Variants in DUSP1 observed in about 807,000 individuals in gnomAD.
The protein encoded by DUSP1 is dual specificity phosphatase 1.
In DUSP1, 10 loss-of-function variants were observed where a neutral mutation model predicts 27.4. The ratio of observed to expected loss-of-function variants is 0.37; its 90% CI spans 0.23 to 0.62. The LOEUF is 0.62. Ranked by LOEUF, DUSP1 falls within the 20% of genes least tolerant of loss-of-function variation. The probability of loss-of-function intolerance (pLI) is 0.68; values close to 1 mark genes in which losing one functional copy is unlikely to be tolerated. For synonymous variants in DUSP1, 262 were observed against 223.6 expected (o/e 1.17, Z -1.53); for missense variants, 425 against 508.1 (o/e 0.84, Z 1.57).
At position 172,768,899 on chromosome 5, in the gene DUSP1, T is replaced by G; in HGVS notation, c.967A>C (p.Ser323Arg). 2.5e-6 allele frequency: 4 copies of G among 1,612,162 alleles called. No homozygotes were observed. Among genetic ancestry groups the G allele is most frequent in the Non-Finnish European group, 3.4e-6 (4 of 1,179,272 alleles). ...CGGTCGAGCACAGCCATGGCGGGGC[T>G]CCCAGCCTCTGCCGAACAGTGCGGA... Reference protein sequence around the residue: ...LAPHCSAEAGSPAMAVLDRGT... With the variant: ...LAPHCSAEAGRPAMAVLDRGT... Residue 323 changes from serine (S) to arginine (R), a missense_variant, in exon 4 of 4, where the codon AGC becomes CGC. Coordinates refer to ENST00000239223, the MANE Select transcript of DUSP1 (RefSeq NM_004417.4).
chr5:172,769,484 G>C, intron 3 of DUSP1, 91 bp downstream of exon 3: 6 of 1,417,712 alleles, frequency 4.2e-6, no homozygotes, highest in Non-Finnish European at 5.9e-6. Context: ...AGAAGGCTCA[G>C]AAAACTTCAA....
rs1041298459 is a variant in DUSP1, at chr5:172,768,494, G to A, written c.*268C>T. The A allele has an allele frequency of 2.0e-5, 7 of 347,434 alleles. No individual in the cohort carries two copies. Among genetic ancestry groups the A allele is most frequent in the South Asian group, 2.5e-4 (2 of 7,958 alleles). 21.5% of individuals were successfully genotyped at this position (347,434 alleles called of 1,614,324 possible). A position where few individuals can be genotyped will look rare whatever the true frequency, so the allele number is the denominator to read the frequency against. On this transcript the variant is annotated 3_prime_UTR_variant, in exon 4 of 4. Transcript: ENST00000239223. Reference sequence around the variant, plus strand: ...AAACAGGGGCGAGCAAAAAGAAACCGGATCACACACTGAGTCCTTTCTCTT... The same window carrying A: ...AAACAGGGGCGAGCAAAAAGAAACCAGATCACACACTGAGTCCTTTCTCTT...
In DUSP1 at chr5:172,771,048, G is replaced by C; in HGVS notation, c.-96C>G. On this transcript the variant is annotated 5_prime_UTR_variant, in exon 1 of 4. Coordinates refer to ENST00000239223, the MANE Select transcript of DUSP1 (RefSeq NM_004417.4). ...GGCGGCGCTTTTCGAGGAAAAGCTA[G>C]ACCCCCGGGTCTCTCTGCGCCGAAC... 2.3e-6 allele frequency: 3 copies of C among 1,317,100 alleles called. No homozygotes were observed. In the South Asian group the frequency reaches 5.7e-5, roughly 25 times the overall value. 81.6% of individuals were successfully genotyped at this position (1,317,100 alleles called of 1,614,324 possible). A position where few individuals can be genotyped will look rare whatever the true frequency, so the allele number is the denominator to read the frequency against.
chr5:172,769,925 TA>T, intron 2 of DUSP1, 131 bp from the exon 3 acceptor site: 1 of 1,242,090 alleles, frequency 8.1e-7, no homozygotes. Context: ...TGCTGGAGGA[TA>T]AATAAATAGG....
Position 172,768,744 on chromosome 5 carries a change from C to A in DUSP1, c.*18G>T, listed in dbSNP as rs1261376837. 2.0e-6 allele frequency: 3 copies of A among 1,503,694 alleles called. No individual in the cohort carries two copies. In the Admixed American group the frequency reaches 7.0e-5, roughly 35 times the overall value. The allele number at this position is 1,503,694 out of a possible 1,614,324, so 93.1% of individuals were successfully genotyped here. On this transcript the variant is annotated 3_prime_UTR_variant, in exon 4 of 4. Coordinates refer to ENST00000239223, the MANE Select transcript of DUSP1 (RefSeq NM_004417.4). ...GGAGTCCCAATGGGATGTGAAGAGC[C>A]TCACCTCCCGTGGCCTTTCAGCAGC...
rs1759830197 is a variant in DUSP1 at position 172,768,740 on chromosome 5, G to C, written c.*22C>G. 1.3e-6 allele frequency: 2 copies of C among 1,501,504 alleles called. No individual in the cohort carries two copies. The highest frequency in any genetic ancestry group is 1.4e-5 in the African/African-American group (1 of 71,202). 93.0% of individuals were successfully genotyped at this position (1,501,504 alleles called of 1,614,324 possible). On this transcript the variant is annotated 3_prime_UTR_variant, in exon 4 of 4. Coordinates refer to ENST00000239223, the MANE Select transcript of DUSP1 (RefSeq NM_004417.4). ...GCATGGAGTCCCAATGGGATGTGAA[G>C]AGCCTCACCTCCCGTGGCCTTTCAG... is the stretch of plus-strand genomic sequence containing the variant.
At position 172,769,181 on chromosome 5, in the gene DUSP1, C is replaced by G. The variant is rs760974212; in HGVS notation, c.734-49G>C. On this transcript the variant is annotated intron_variant, in intron 3 of 3. Transcript: ENST00000239223. ...GTTACTTGAGAGTTCAGGAGAACCA[C>G]CCCAAGCCCAGGTACAGTGTATCTG... 10 of 1,560,428 alleles carry G rather than the reference C, an allele frequency of 6.4e-6. 1 individual carries two copies. The South Asian group carries it at 1.2e-4, about 18-fold the overall frequency.
rs780317510 is a variant in DUSP1, at chr5:172,770,629, C to A, written c.324G>T (p.Ala108=). 1.8e-5 allele frequency: 24 copies of A among 1,311,292 alleles called. No homozygotes were observed. The highest frequency in any genetic ancestry group is 2.1e-5 in the Non-Finnish European group (22 of 1,037,564). 81.2% of individuals were successfully genotyped at this position (1,311,292 alleles called of 1,614,324 possible). The change falls in exon 1 of 4, where the codon GCG becomes GCT. Residue 108 remains alanine, a synonymous_variant. Transcript: ENST00000239223. ...GCGCGGCGCGCGCCTCGCGGCAGAG[C>A]GCGCCGGCCGCCAGGGCCAGGGTGC... ...RDGTLALAAG[A]LCREARAAQV... is the part of the protein sequence containing the mutation.
chr5:172,769,276 T>A (rs1388572583), intron 3 of DUSP1, 144 bp from the exon 4 acceptor site: 1 of 1,326,924 alleles, frequency 7.5e-7, no homozygotes, highest in African/African-American at 1.5e-5. Flanking sequence ...ATACTGTTCA[T>A]GGAGGCAACG....
chr5:172,769,108 C>T lies in DUSP1; in HGVS notation c.758G>A (p.Arg253Lys). The part of the protein sequence containing the change: ...FIDSIKNAGG[R>K]VFVHCQAGIS... ...GCCTGCCTGGCAGTGGACAAACACC[C>T]TTCCTCCAGCATTCTTGATGGAGTC... The change falls in exon 4 of 4, where the codon AGG becomes AAG. Residue 253 changes from arginine (R) to lysine (K), a missense_variant. Arg to Lys is a conservative substitution (Grantham distance 26, BLOSUM62 2). Coordinates refer to ENST00000239223, the MANE Select transcript of DUSP1 (RefSeq NM_004417.4). 6.2e-7 allele frequency: 1 copy of T among 1,610,638 alleles called. No homozygotes were observed. Among genetic ancestry groups the T allele is most frequent in the Middle Eastern group, 1.6e-4 (1 of 6,076 alleles).
chr5:172,768,522 GC>G lies in DUSP1; in HGVS notation c.*239del. 4.8e-6 allele frequency: 2 copies of G among 412,958 alleles called. No individual in the cohort carries two copies. Among genetic ancestry groups the G allele is most frequent in the Non-Finnish European group, 8.2e-6 (2 of 244,696 alleles). 25.6% of individuals were successfully genotyped at this position (412,958 alleles called of 1,614,324 possible). On this transcript the variant is annotated 3_prime_UTR_variant, in exon 4 of 4. Coordinates refer to ENST00000239223, the MANE Select transcript of DUSP1 (RefSeq NM_004417.4). The stretch of plus-strand genomic sequence containing the variant: ...TCACACACTGAGTCCTTTCTCTTCT[GC>G]CCCATTTTGTCAGATGGACTTGATG...
rs768327862 is a variant in DUSP1, at chr5:172,769,580, A to T, written c.728T>A (p.Phe243Tyr). 4 of 1,614,238 alleles carry T rather than the reference A, an allele frequency of 2.5e-6. No individual in the cohort carries two copies. Among genetic ancestry groups the T allele is most frequent in the Non-Finnish European group, 2.5e-6 (3 of 1,180,044 alleles). Residue 243 changes from phenylalanine (F) to tyrosine (Y), a missense_variant, in exon 3 of 4, where the codon TTC becomes TAC. Around this residue, in one of 3 missense-constraint regions of DUSP1, gnomAD observed 59 missense variants for 108.4 expected, o/e 0.54. Transcript: ENST00000239223. ...CAGGCATCCATTCCATTTACCTATGAAGTCAATGGCCTCGTTGAACCAGGA... is the reference window on the plus strand; with the variant it reads ...CAGGCATCCATTCCATTTACCTATGTAGTCAATGGCCTCGTTGAACCAGGA... ...ISSWFNEAID[F>Y]IDSIKNAGGR...
Position 172,770,615 on chromosome 5 carries a change from G to A in DUSP1, c.338C>T (p.Ala113Val). The A allele has an allele frequency of 1.5e-6, 2 of 1,338,320 alleles. No homozygotes were observed. The highest frequency in any genetic ancestry group is 5.7e-4 in the Middle Eastern group (2 of 3,502). 82.9% of individuals were successfully genotyped at this position (1,338,320 alleles called of 1,614,324 possible). Reference protein sequence around the residue: ...ALAAGALCREARAAQVFFLKG... With the variant: ...ALAAGALCREVRAAQVFFLKG... ...GAGGAAGAAGACTTGCGCGGCGCGC[G>A]CCTCGCGGCAGAGCGCGCCGGCCGC... Residue 113 changes from alanine to valine, a missense_variant, in exon 1 of 4, where the codon GCG becomes GTG. This residue lies in a region of DUSP1 where 282 missense variants were observed against 319.3 expected (regional missense o/e 0.88). Transcript: ENST00000239223.
Position 172,770,936 on chromosome 5 carries a change from C to G in DUSP1, c.17G>C (p.Gly6Ala). The G allele has an allele frequency of 1.3e-6, 2 of 1,536,636 alleles. No homozygotes were observed. The highest frequency in any genetic ancestry group is 1.7e-6 in the Non-Finnish European group (2 of 1,148,924). ...CCGCAGGCCTCCAGCGTCCAGGGTG[C>G]CCACTTCCATGACCATGGCCGGCCT... MVMEV[G>A]TLDAGGLRAL... Residue 6 changes from glycine to alanine, a missense_variant, in exon 1 of 4, where the codon GGC becomes GCC. Gly to Ala is a moderately conservative substitution (Grantham distance 60). Transcript: ENST00000239223.
At chr5:172,769,196 C>T in intron 3 of DUSP1, 64 bp from the exon 4 acceptor site, 1 of 1,541,838 alleles carries the variant, frequency 6.5e-7, no homozygotes, top group South Asian at 1.2e-5. Context: ...AGCCCAGGTA[C>T]AGTGTATCTG....
chr5:172,770,500 G>C lies in DUSP1; in HGVS notation c.367+86C>G, dbSNP rs1759870661. ...TCCAGCGCCCACGCGCTGCAGGTGG[G>C]GCGATCCCCCGGGAGCCGAGAGCCA... On this transcript the variant is annotated intron_variant, in intron 1 of 3. Coordinates refer to ENST00000239223, the MANE Select transcript of DUSP1 (RefSeq NM_004417.4). The C allele has an allele frequency of 1.0e-5, 15 of 1,476,090 alleles. No individual in the cohort carries two copies. In the South Asian group the frequency reaches 2.0e-4, roughly 20 times the overall value. 91.4% of individuals were successfully genotyped at this position (1,476,090 alleles called of 1,614,324 possible). A position where few individuals can be genotyped will look rare whatever the true frequency, so the allele number is the denominator to read the frequency against.
In DUSP1 at chr5:172,770,450, T is replaced by C. The variant is rs1306735691; in HGVS notation, c.367+136A>G. 4.6e-6 allele frequency: 7 copies of C among 1,531,222 alleles called. No homozygotes were observed. The Admixed American group carries it at 9.8e-5, about 21-fold the overall frequency. The allele number at this position is 1,531,222 out of a possible 1,614,324, so 94.9% of individuals were successfully genotyped here. A position where few individuals can be genotyped will look rare whatever the true frequency, so the allele number is the denominator to read the frequency against. ...TGTTTCCAGAGCCAAACAAAGCCAATGACAAGTTCCAGAGATAAATGTACT... is the reference window on the plus strand; with the variant it reads ...TGTTTCCAGAGCCAAACAAAGCCAACGACAAGTTCCAGAGATAAATGTACT... On this transcript the variant is annotated intron_variant, in intron 1 of 3. Coordinates refer to ENST00000239223, the MANE Select transcript of DUSP1 (RefSeq NM_004417.4).
At position 172,770,621 on chromosome 5, in the gene DUSP1, C is replaced by T. The variant is rs753682011; in HGVS notation, c.332G>A (p.Arg111His). The change falls in exon 1 of 4, where the codon CGC (arginine) becomes CAC (histidine). Residue 111 changes from arginine to histidine, a missense_variant. Around this residue, in one of 3 missense-constraint regions of DUSP1, gnomAD observed 282 missense variants for 319.3 expected, o/e 0.88. Coordinates refer to ENST00000239223, the MANE Select transcript of DUSP1 (RefSeq NM_004417.4). ...GAAGACTTGCGCGGCGCGCGCCTCG[C>T]GGCAGAGCGCGCCGGCCGCCAGGGC... ...TLALAAGALC[R>H]EARAAQVFFL... The T allele has an allele frequency of 3.8e-6, 5 of 1,325,924 alleles. No homozygotes were observed. The highest frequency in any genetic ancestry group is 4.8e-6 in the Non-Finnish European group (5 of 1,045,546). 82.1% of individuals were successfully genotyped at this position (1,325,924 alleles called of 1,614,324 possible).
rs887999413 is a variant in DUSP1, at chr5:172,771,114, G to T, written c.-162C>A. On this transcript the variant is annotated 5_prime_UTR_variant, in exon 1 of 4. Coordinates refer to ENST00000239223, the MANE Select transcript of DUSP1 (RefSeq NM_004417.4). The stretch of plus-strand genomic sequence containing the variant: ...GACTGAGAGAGGAGCGTCACGCGGG[G>T]CTCCGGGCTCCTCGGCTTCTTCGCG... 1 of 995,646 alleles carries T rather than the reference G, an allele frequency of 1.0e-6. No homozygotes were observed. The highest frequency in any genetic ancestry group is 1.3e-6 in the Non-Finnish European group (1 of 754,464). 61.7% of individuals were successfully genotyped at this position (995,646 alleles called of 1,614,324 possible). A position where few individuals can be genotyped will look rare whatever the true frequency, so the allele number is the denominator to read the frequency against.
Sources: gnomAD v4.1 joint callset for allele counts on GRCh38, gnomAD v4.1.1 for gene constraint, gnomAD v4.1.1 regional missense constraint, MANE v1.5 for transcripts, NCBI Gene and HGNC (gene_info 2026-07-23, HGNC 2026-07-21) for gene names.